The following IQSEC1 variants were observed in gnomAD, a reference collection of about 807,000 sequenced individuals.
IQSEC1 encodes the protein IQ motif and Sec7 domain ArfGEF 1.
A neutral mutation model predicts 91.0 loss-of-function variants in IQSEC1; 31 were observed. The observed-to-expected ratio is 0.34, with a 90% CI of 0.26 to 0.46. The LOEUF is 0.46. Ranked by LOEUF, IQSEC1 falls within the 20% of genes least tolerant of loss-of-function variation. The pLI, the probability that IQSEC1 is intolerant of heterozygous loss-of-function variation, is 1.00. For missense variants in IQSEC1, 1,388 were observed against 1,575.6 expected (o/e 0.88, Z 2.02); for synonymous variants, 699 against 662.6 (o/e 1.05, Z -0.84).
At chr3:12,901,934 G>C (rs998930537) in intron 13 of IQSEC1, among the ~76,000 whole-genome samples, 1 of 152,190 alleles carries the variant, frequency 6.6e-6, no homozygotes, top group South Asian at 2.1e-4. Flanking sequence ...CCCTGCTCCT[G>C]CTGAAAACAG....
chr3:13,047,359 G>T, intron 1 of IQSEC1: 1 of 384,076 alleles, frequency 2.6e-6, no homozygotes. Context: ...GAATTTCAGG[G>T]CCAAATGGTG....
intron 2 of IQSEC1, among the ~76,000 whole-genome samples, chr3:13,093,121 G>A (rs1290684793): frequency 7.3e-6 from 1 of 137,506 alleles, no homozygotes; most frequent in East Asian, 2.2e-4. Flanking sequence ...CTCCACACAG[G>A]TCCTGCCCCT....
intron 1 of IQSEC1, among the ~76,000 whole-genome samples, chr3:13,032,483 C>A (rs1022449486): frequency 6.6e-6 from 1 of 152,250 alleles, no homozygotes; most frequent in Non-Finnish European, 1.5e-5. Context: ...TGCACGGAGC[C>A]AGGTTGGATC....
intron 1 of IQSEC1, among the ~76,000 whole-genome samples, chr3:12,958,420 T>G (rs1343863254): frequency 6.6e-6 from 1 of 152,178 alleles, no homozygotes; most frequent in African/African-American, 2.4e-5. Context: ...TGTCTGTTTC[T>G]CAGTCATAAA....
chr3:12,907,120 C>T (rs1695065025), intron 12 of IQSEC1, among the ~76,000 whole-genome samples: 1 of 152,160 alleles, frequency 6.6e-6, no homozygotes, highest in Non-Finnish European at 1.5e-5. Context: ...AGTCACTTGG[C>T]CCAAAATGTC....
At position 13,276,165 on chromosome 3, in the gene IQSEC1, T is replaced by C. The variant is rs1576319831; in HGVS notation, c.272+6546A>G. 3.7e-5 allele frequency among the ~76,000 whole-genome samples: 5 copies of C among 134,854 alleles called. No individual in the cohort carries two copies. The South Asian group carries it at 1.3e-3, about 35-fold the overall frequency. 88.5% of individuals were successfully genotyped at this position (134,854 alleles called of 152,430 possible). On this transcript the variant is annotated intron_variant, in intron 1 of 15. Coordinates refer to the IQSEC1 transcript ENST00000648114. ...GTGCAATGGCGTGATCTCGGCTCAC[T>C]GCAAGCTCTGCCTCCCAGGTTCACA...
chr3:13,277,604 T>G (rs1450558699), intron 1 of IQSEC1, among the ~76,000 whole-genome samples: 1 of 152,158 alleles, frequency 6.6e-6, no homozygotes, highest in Non-Finnish European at 1.5e-5. Flanking sequence ...TTGAACACAT[T>G]TTGTCCCATC....
intron 1 of IQSEC1, among the ~76,000 whole-genome samples, chr3:13,166,495 C>T (rs1693498954): frequency 6.6e-6 from 1 of 152,222 alleles, no homozygotes; most frequent in Admixed American, 6.5e-5. Flanking sequence ...GGTCCCAGGC[C>T]CAGCTTCATC....
At position 13,095,209 on chromosome 3, in the gene IQSEC1, GCCTGGCATGGTC is replaced by G. The variant is rs151208771; in HGVS notation, c.303-47699_303-47688del. 3.0e-3 allele frequency among the ~76,000 whole-genome samples: 454 copies of G among 152,238 alleles called. 4 individuals carry two copies. Among genetic ancestry groups the G allele is most frequent in the African/African-American group, 0.01 (423 of 41,542 alleles). On this transcript the variant is annotated intron_variant, in intron 2 of 15. Transcript: ENST00000648114. The stretch of plus-strand genomic sequence containing the variant: ...TATACACTGTCTTTCCCAGAGGTGA[GCCTGGCATGGTC>G]CCCGTCGTTCCTGAAGGCCCCAGGG...
intron 2 of IQSEC1, among the ~76,000 whole-genome samples, chr3:13,083,209 A>G (rs1330133612): frequency 6.6e-6 from 1 of 152,174 alleles, no homozygotes; most frequent in East Asian, 1.9e-4. Flanking sequence ...GAGTGACACT[A>G]GTGTTCAAGG....
intron 2 of IQSEC1, among the ~76,000 whole-genome samples, chr3:13,160,856 G>A (rs1559266789): frequency 6.6e-6 from 1 of 152,266 alleles, no homozygotes; most frequent in African/African-American, 2.4e-5. Flanking sequence ...CAACTCAGGG[G>A]CCTCATCCCT....
chr3:13,055,594 C>A (rs533978282), intron 1 of IQSEC1, among the ~76,000 whole-genome samples: 6 of 152,350 alleles, frequency 3.9e-5, no homozygotes, highest in African/African-American at 1.2e-4. Flanking sequence ...GCCTTCACCA[C>A]CCGTGTAGAG....
At chr3:13,219,260 TC>T (rs1694608912) in intron 1 of IQSEC1, among the ~76,000 whole-genome samples, 1 of 152,162 alleles carries the variant, frequency 6.6e-6, no homozygotes, top group Admixed American at 6.5e-5. Flanking sequence ...TGACACCTGC[TC>T]CCAAGTTCAC....
chr3:12,900,391 G>A lies in IQSEC1; in HGVS notation c.*592C>T, dbSNP rs961038990. 2.1e-5 allele frequency: 21 copies of A among 984,438 alleles called. No individual in the cohort carries two copies. Among genetic ancestry groups the A allele is most frequent in the Non-Finnish European group, 2.4e-5 (20 of 829,776 alleles). 61.0% of individuals were successfully genotyped at this position (984,438 alleles called of 1,614,324 possible). On this transcript the variant is annotated 3_prime_UTR_variant, in exon 14 of 14. Transcript: ENST00000613206. ...TTAGGTAAGTGGAGCTCCTTGTAAG[G>A]TGGGTATTGCTAATGTGGACTGAAA...
At chr3:13,238,251 T>C (rs1467637469) in intron 1 of IQSEC1, among the ~76,000 whole-genome samples, 1 of 152,152 alleles carries the variant, frequency 6.6e-6, no homozygotes, top group Non-Finnish European at 1.5e-5. Context: ...TGCAGGACCC[T>C]GTCACTCCTC....
In IQSEC1 at chr3:13,225,806, G is replaced by C. The variant is rs567570322; in HGVS notation, c.272+56905C>G. 6.2e-4 allele frequency among the ~76,000 whole-genome samples: 95 copies of C among 152,288 alleles called. 2 individuals carry two copies. Among genetic ancestry groups the C allele is most frequent in the African/African-American group, 2.1e-3 (88 of 41,542 alleles). On this transcript the variant is annotated intron_variant, in intron 1 of 15. Coordinates refer to the IQSEC1 transcript ENST00000648114. ...ATTTAGGTTGGGTAAGGAAGAAAAG[G>C]TTTGATGATCTTGCACCTTGCATAG...
intron 1 of IQSEC1, among the ~76,000 whole-genome samples, chr3:13,225,440 G>A (rs1694735259): frequency 6.6e-6 from 1 of 152,212 alleles, no homozygotes; most frequent in Admixed American, 6.5e-5. Flanking sequence ...TATGATTTGG[G>A]CCTGTTTTTC....
At chr3:12,969,711 A>G (rs1700803571) in intron 1 of IQSEC1, among the ~76,000 whole-genome samples, 1 of 152,214 alleles carries the variant, frequency 6.6e-6, no homozygotes, top group African/African-American at 2.4e-5. Flanking sequence ...GGATTGTCCA[A>G]GAATTTCAGG....
chr3:13,148,682 G>A (rs908958113), intron 2 of IQSEC1, among the ~76,000 whole-genome samples: 7 of 152,320 alleles, frequency 4.6e-5, no homozygotes, highest in South Asian at 4.1e-4. Flanking sequence ...CACAGTCCCC[G>A]GGGCTCCCTG....
Sources: gnomAD v4.1 joint callset for allele counts (sites outside exome capture counted in the v4.1 genomes callset) on GRCh38, gnomAD v4.1.1 for gene constraint, MANE v1.5 for transcripts, NCBI Gene and HGNC (gene_info 2026-07-23, HGNC 2026-07-21) for gene names.